The following NTRK3 variants were observed in gnomAD, a reference collection of about 807,000 sequenced individuals.
NTRK3 encodes the protein neurotrophic receptor tyrosine kinase 3.
A neutral mutation model predicts 91.7 loss-of-function variants in NTRK3; 24 were observed. The ratio of observed to expected loss-of-function variants is 0.26; its 90% confidence interval spans 0.19 to 0.37. The LOEUF (loss-of-function observed/expected upper bound fraction) is 0.37. Among genes scored for constraint, NTRK3 ranks in the 10% least tolerant of loss-of-function variants. NTRK3 has a pLI of 1.00. For missense variants in NTRK3, 880 were observed against 1,068.9 expected, an observed-to-expected ratio of 0.82 and a Z score of 2.46; for synonymous variants, 483 against 404.0, an observed-to-expected ratio of 1.20 and a Z score of -2.34.
At chr15:88,175,444 G>A (rs1404325388) in intron 5 of NTRK3, among the ~76,000 whole-genome samples, 2 of 152,256 alleles carry the variant, frequency 1.3e-5, no homozygotes, top group African/African-American at 2.4e-5. Context: ...CACTTAAAAT[G>A]TACAATTCAA....
At chr15:88,033,206 A>ATATG (rs1181772188) in intron 13 of NTRK3, among the ~76,000 whole-genome samples, 161 bp from the exon 14 acceptor site, 1 of 123,364 alleles carries the variant, frequency 8.1e-6, no homozygotes, top group East Asian at 2.2e-4. Flanking sequence ...ATATATATAT[A>ATATG]TATATATATA....
At chr15:88,021,699 G>C (rs1318918978) in intron 14 of NTRK3, among the ~76,000 whole-genome samples, 1 of 152,162 alleles carries the variant, frequency 6.6e-6, no homozygotes, top group African/African-American at 2.4e-5. Flanking sequence ...TTGGCTTCTT[G>C]GCTAAGATGT....
chr15:88,212,278 G>A (rs904402132), intron 3 of NTRK3, among the ~76,000 whole-genome samples: 5 of 152,198 alleles, frequency 3.3e-5, no homozygotes, highest in African/African-American at 1.2e-4. Flanking sequence ...GCTGAGGCAG[G>A]AGAATGGAGT....
At chr15:88,085,833 C>A (rs1238030546) in intron 13 of NTRK3, among the ~76,000 whole-genome samples, 22 of 152,316 alleles carry the variant, frequency 1.4e-4, no homozygotes, top group Non-Finnish European at 2.9e-5. Flanking sequence ...CTTCATTCCA[C>A]AAACATCTAT....
chr15:88,043,334 T>A (rs746737698), intron 13 of NTRK3, among the ~76,000 whole-genome samples: 4 of 152,242 alleles, frequency 2.6e-5, no homozygotes, highest in African/African-American at 4.8e-5. Flanking sequence ...CGAGGCCCCA[T>A]GAAGAGATCA....
At chr15:88,014,898 A>G (rs1468164135) in intron 14 of NTRK3, among the ~76,000 whole-genome samples, 1 of 152,256 alleles carries the variant, frequency 6.6e-6, no homozygotes, top group African/African-American at 2.4e-5. Flanking sequence ...AAATAAATTC[A>G]TATGTGAAAG....
intron 13 of NTRK3, among the ~76,000 whole-genome samples, chr15:88,096,417 A>C (rs1316543611): frequency 2.6e-5 from 4 of 152,166 alleles, no homozygotes; most frequent in Non-Finnish European, 5.9e-5. Flanking sequence ...CCACTGGAGA[A>C]GACCCTACTT....
intron 3 of NTRK3, among the ~76,000 whole-genome samples, chr15:88,223,986 A>G (rs1307307330): frequency 6.6e-6 from 1 of 152,250 alleles, no homozygotes; most frequent in Admixed American, 6.5e-5. Context: ...AACAGGACAC[A>G]GAGTTGGCCT....
At chr15:87,960,776 T>G (rs2072197112) in intron 14 of NTRK3, among the ~76,000 whole-genome samples, 1 of 152,166 alleles carries the variant, frequency 6.6e-6, no homozygotes, top group Admixed American at 6.5e-5. Flanking sequence ...TGAGACACTA[T>G]GCCTGGCCTC....
chr15:88,132,422 T>C (rs954415909), intron 10 of NTRK3, among the ~76,000 whole-genome samples: 3 of 152,218 alleles, frequency 2.0e-5, no homozygotes, highest in Admixed American at 6.5e-5. Flanking sequence ...AGAGAAGTGA[T>C]TGTCCTCCAT....
Position 88,136,453 on chromosome 15 carries a change from C to A in NTRK3, c.765+14G>T, listed in dbSNP as rs780307627. On this transcript the variant is annotated intron_variant, in intron 8 of 18. Coordinates refer to ENST00000394480, the Ensembl canonical transcript of NTRK3. ...CCCTAGCCTCCTGATGGGGCTGAAGCCCAGGATGCCTACCTGGTGAGTGTT... is the reference window on the plus strand; with the variant it reads ...CCCTAGCCTCCTGATGGGGCTGAAGACCAGGATGCCTACCTGGTGAGTGTT... 1.2e-6 allele frequency: 2 copies of A among 1,614,092 alleles called. No individual in the cohort carries two copies. Among genetic ancestry groups the A allele is most frequent in the East Asian group, 2.2e-5 (1 of 44,886 alleles).
intron 14 of NTRK3, among the ~76,000 whole-genome samples, chr15:88,010,417 T>G (rs192254472): frequency 2.4e-4 from 36 of 152,338 alleles, no homozygotes; most frequent in Middle Eastern, 3.4e-3. Flanking sequence ...TATAATGATT[T>G]AAGATATGAG....
intron 11 of NTRK3, among the ~76,000 whole-genome samples, chr15:88,128,157 A>G (rs1337857312): frequency 6.6e-6 from 1 of 152,234 alleles, no homozygotes; most frequent in Non-Finnish European, 1.5e-5. Context: ...CCTACAGTCC[A>G]TAAACAAAAC....
chr15:88,142,103 C>T (rs2042438946), intron 6 of NTRK3, among the ~76,000 whole-genome samples: 1 of 152,224 alleles, frequency 6.6e-6, no homozygotes, highest in African/African-American at 2.4e-5. Flanking sequence ...TATATCCGGA[C>T]AAGAGAGGAT....
chr15:87,920,682 C>A (rs1483395874), intron 17 of NTRK3, among the ~76,000 whole-genome samples: 1 of 152,170 alleles, frequency 6.6e-6, no homozygotes, highest in African/African-American at 2.4e-5. Flanking sequence ...GGTTTCTCAG[C>A]ACCTCTGGGA....
intron 3 of NTRK3, among the ~76,000 whole-genome samples, chr15:88,192,724 C>T (rs2047510267): frequency 6.6e-6 from 1 of 152,130 alleles, no homozygotes; most frequent in African/African-American, 2.4e-5. Context: ...CACTGTCCTG[C>T]TTCTGGTCTT....
intron 14 of NTRK3, among the ~76,000 whole-genome samples, chr15:87,969,444 G>C (rs1299666216): frequency 6.6e-6 from 1 of 152,098 alleles, no homozygotes; most frequent in Non-Finnish European, 1.5e-5. Context: ...AAGAAGAATA[G>C]ATAGATAGAT....
At chr15:88,137,484 T>C in exon 7 of NTRK3, 1 of 1,614,206 alleles carries the variant, frequency 6.2e-7, no homozygotes, top group Non-Finnish European at 8.5e-7. Context: ...GCTGTTGAGC[T>C]TGGCCTCCCC....
intron 15 of NTRK3, among the ~76,000 whole-genome samples, chr15:87,936,633 G>T (rs1163926579): frequency 6.6e-6 from 1 of 151,010 alleles, no homozygotes; most frequent in African/African-American, 2.4e-5. Flanking sequence ...ATATACACAT[G>T]ATATACACAC....
Sources: allele counts gnomAD v4.1 joint callset (sites outside exome capture counted in the v4.1 genomes callset), GRCh38; gene constraint gnomAD v4.1.1; transcripts MANE v1.5; gene names NCBI Gene and HGNC (gene_info 2026-07-23, HGNC 2026-07-21).